The following NEO1 variants were observed in gnomAD, a reference collection of about 807,000 sequenced individuals.
The protein encoded by NEO1 is neogenin 1.
Under a neutral mutation model 159.7 loss-of-function variants are expected in NEO1, and 63 were observed. The ratio of observed to expected loss-of-function variants is 0.39; its 90% CI spans 0.32 to 0.49. The LOEUF is 0.49. NEO1 is among the 20% of genes least tolerant of loss of function. NEO1 has a pLI of 0.85. For missense variants in NEO1, 1,615 were observed against 1,831.0 expected (o/e 0.88, Z 2.15); for synonymous variants, 633 against 662.0 (o/e 0.96, Z 0.67).
At chr15:73,051,851 C>T (rs2151176107), upstream of NEO1, 1 of 152,464 alleles carries the variant, frequency 6.6e-6, no homozygotes, top group Admixed American at 6.5e-5. Context: ...TCCCGGAGGC[C>T]TTTCGGTTTC....
intron 15 of NEO1, among the ~76,000 whole-genome samples, chr15:73,262,587 TTAG>T (rs2040669785): frequency 6.6e-6 from 1 of 152,184 alleles, no homozygotes; most frequent in Admixed American, 6.5e-5. Context: ...TTGCTAAATG[TTAG>T]TAGACTGGCA....
intron 5 of NEO1, among the ~76,000 whole-genome samples, chr15:73,165,934 C>G (rs183298890): frequency 6.6e-6 from 1 of 152,154 alleles, no homozygotes; most frequent in African/African-American, 2.4e-5. Context: ...TGTCAGGAGA[C>G]GGGATTTTCC....
At chr15:73,265,239 G>T (rs147493843) in intron 15 of NEO1, among the ~76,000 whole-genome samples, 1 of 152,264 alleles carries the variant, frequency 6.6e-6, no homozygotes, top group African/African-American at 2.4e-5. Flanking sequence ...GGGAAAAGGA[G>T]GTCTTAATAA....
intron 1 of NEO1, among the ~76,000 whole-genome samples, chr15:73,061,688 A>T (rs1355528450): frequency 6.6e-6 from 1 of 152,196 alleles, no homozygotes; most frequent in Non-Finnish European, 1.5e-5. Context: ...ATGTGAAATC[A>T]TACACTCCAA....
intron 8 of NEO1, among the ~76,000 whole-genome samples, chr15:73,243,693 C>G (rs1714529): frequency 6.6e-6 from 1 of 151,932 alleles, no homozygotes; most frequent in South Asian, 2.1e-4. Flanking sequence ...AATACTAGAC[C>G]GCTGGATTTG....
At chr15:73,073,973 T>A (rs111610713) in intron 1 of NEO1, among the ~76,000 whole-genome samples, 137 of 152,342 alleles carry the variant, frequency 9.0e-4, no homozygotes, top group Middle Eastern at 3.4e-3. Context: ...AAACAGTAGC[T>A]ACTCTTGTCT....
At chr15:73,220,637 T>A (rs1043055591) in intron 7 of NEO1, among the ~76,000 whole-genome samples, 15 of 152,318 alleles carry the variant, frequency 9.8e-5, no homozygotes, top group Non-Finnish European at 1.8e-4. Flanking sequence ...CTTTTTATTC[T>A]TTTTTCTCTA....
chr15:73,221,288 T>C (rs535262838), intron 7 of NEO1, among the ~76,000 whole-genome samples: 6 of 152,250 alleles, frequency 3.9e-5, no homozygotes, highest in African/African-American at 1.4e-4. Context: ...CCTCTGGAAG[T>C]TTTGTCTCAG....
At chr15:73,225,549 A>C (rs2038534792) in intron 7 of NEO1, among the ~76,000 whole-genome samples, 1 of 152,004 alleles carries the variant, frequency 6.6e-6, no homozygotes, top group Non-Finnish European at 1.5e-5. Context: ...GCCTCTGCTG[A>C]GTCATGCAGG....
intron 5 of NEO1, among the ~76,000 whole-genome samples, chr15:73,170,110 A>G (rs1389350331): frequency 6.6e-6 from 1 of 152,152 alleles, no homozygotes; most frequent in East Asian, 1.9e-4. Flanking sequence ...GTAAGTTACA[A>G]TTCTAAGTAT....
At chr15:73,157,137 A>G (rs1677842824) in intron 5 of NEO1, among the ~76,000 whole-genome samples, 2 of 152,184 alleles carry the variant, frequency 1.3e-5, no homozygotes, top group Admixed American at 6.5e-5. Flanking sequence ...GATACAACCC[A>G]GCTTAATCCC....
intron 3 of NEO1, among the ~76,000 whole-genome samples, chr15:73,124,743 A>T (rs2029932949): frequency 6.6e-6 from 1 of 151,982 alleles, no homozygotes; most frequent in African/African-American, 2.4e-5. Context: ...CCTTCATTTT[A>T]CTTCAGAACA....
intron 2 of NEO1, among the ~76,000 whole-genome samples, chr15:73,120,156 AATTT>A (rs1376689055): frequency 1.3e-5 from 2 of 150,550 alleles, no homozygotes; most frequent in African/African-American, 2.4e-5. Context: ...TTAATTAATT[AATTT>A]AATTTAATTT....
chr15:73,141,072 A>T (rs915617372), intron 5 of NEO1, among the ~76,000 whole-genome samples: 1 of 152,198 alleles, frequency 6.6e-6, no homozygotes, highest in Non-Finnish European at 1.5e-5. Context: ...GCCACATGAG[A>T]TCATCTCTTT....
chr15:73,222,586 G>A (rs2038357162), intron 7 of NEO1, among the ~76,000 whole-genome samples: 1 of 151,916 alleles, frequency 6.6e-6, no homozygotes, highest in African/African-American at 2.4e-5. Flanking sequence ...TATTTCAGTG[G>A]TGTCAGTTTT....
At chr15:73,154,486 C>G (rs1056894000) in intron 5 of NEO1, among the ~76,000 whole-genome samples, 2 of 152,150 alleles carry the variant, frequency 1.3e-5, no homozygotes, top group African/African-American at 2.4e-5. Flanking sequence ...CATTACCCCC[C>G]ACCCACTACC....
rs2042678452 is a variant in NEO1 at position 73,302,986 on chromosome 15, A to T, written c.*290A>T. ...TGTCCAGGGAAGAGGCGAGAAGTGC[A>T]ACCTGCATTTCACTTTGTGGTCAGG... On this transcript the variant is annotated 3_prime_UTR_variant, in exon 29 of 29. Transcript: ENST00000261908. 8.6e-6 allele frequency: 3 copies of T among 350,840 alleles called. No homozygotes were observed. The East Asian group carries it at 1.5e-4, about 18-fold the overall frequency. 21.7% of individuals were successfully genotyped at this position (350,840 alleles called of 1,614,324 possible). A position where few individuals can be genotyped will look rare whatever the true frequency, so the allele number is the denominator to read the frequency against.
At chr15:73,091,849 A>G (rs2151448480) in intron 1 of NEO1, among the ~76,000 whole-genome samples, 1 of 151,172 alleles carries the variant, frequency 6.6e-6, no homozygotes. Flanking sequence ...CTGGTCTCAA[A>G]TTCCTGGACT....
rs77340245 is a variant in NEO1 at position 73,266,223 on chromosome 15, A to G, written c.2399-93A>G. 6.4e-3 allele frequency: 5,900 copies of G among 914,778 alleles called. 78 individuals carry two copies. Among genetic ancestry groups the G allele is most frequent in the East Asian group, 0.047 (1,801 of 38,452 alleles). 56.7% of individuals were successfully genotyped at this position (914,778 alleles called of 1,614,324 possible). A position where few individuals can be genotyped will look rare whatever the true frequency, so the allele number is the denominator to read the frequency against. Reference sequence around the variant, plus strand: ...AAAATTTTTAAAGTTGTCTTTCTTGAATTCTTCTGTGGTTAAGATTATGCA... The same window carrying G: ...AAAATTTTTAAAGTTGTCTTTCTTGGATTCTTCTGTGGTTAAGATTATGCA... On this transcript the variant is annotated intron_variant, in intron 15 of 28. Transcript: ENST00000261908.
Sources: allele counts gnomAD v4.1 joint callset (sites outside exome capture counted in the v4.1 genomes callset), GRCh38; gene constraint gnomAD v4.1.1; transcripts MANE v1.5; gene names NCBI Gene and HGNC (gene_info 2026-07-23, HGNC 2026-07-21).